The following ETS1 variants were observed in gnomAD, a reference collection of about 807,000 sequenced individuals.
ETS1 encodes ETS proto-oncogene 1, transcription factor, also known as protein C-ets-1.
A neutral mutation model predicts 58.6 loss-of-function variants in ETS1; 15 were observed. The ratio of observed to expected loss-of-function variants is 0.26; its 90% CI spans 0.17 to 0.39. The LOEUF (loss-of-function observed/expected upper bound fraction) is 0.39, where lower values mean the gene tolerates loss of function less well. ETS1 is among the 10% of genes least tolerant of loss of function. The probability of loss-of-function intolerance (pLI) is 1.00; values close to 1 mark genes in which losing one functional copy is unlikely to be tolerated. For synonymous variants in ETS1, 214 were observed against 218.2 expected, an observed-to-expected ratio of 0.98 and a Z score of 0.17; for missense variants, 417 against 610.5, an observed-to-expected ratio of 0.68 and a Z score of 3.34.
intron 3 of ETS1, among the ~76,000 whole-genome samples, chr11:128,520,359 G>T (rs1863633457): frequency 6.6e-6 from 1 of 152,124 alleles, no homozygotes; most frequent in African/African-American, 2.4e-5. Context: ...ATATCGACAC[G>T]ATATTTCCCA....
At chr11:128,543,954 C>T (rs1864093422) in intron 3 of ETS1, among the ~76,000 whole-genome samples, 1 of 152,092 alleles carries the variant, frequency 6.6e-6, no homozygotes, top group South Asian at 2.1e-4. Context: ...TCCCTGATGA[C>T]ATTTTAGGAA....
At chr11:128,575,571 C>T (rs912844188) in intron 1 of ETS1, among the ~76,000 whole-genome samples, 3 of 152,204 alleles carry the variant, frequency 2.0e-5, no homozygotes, top group South Asian at 2.1e-4. Flanking sequence ...CCTGACCTCA[C>T]GGCCCTTAGA....
intron 2 of ETS1, among the ~76,000 whole-genome samples, chr11:128,558,110 T>C (rs4436558): frequency 0.9 from 137,182 of 152,276 alleles, 61,959 homozygotes; most frequent in East Asian, 1. Flanking sequence ...TAGAGCTGGA[T>C]GAAGTTTACT....
chr11:128,522,126 C>T (rs1483151980), intron 3 of ETS1: 1 of 1,324,296 alleles, frequency 7.6e-7, no homozygotes, highest in Non-Finnish European at 9.7e-7. Flanking sequence ...ATCTCAAATT[C>T]CCGCTGCCTT....
At chr11:128,545,986 C>A (rs1864127200) in intron 3 of ETS1, among the ~76,000 whole-genome samples, 1 of 152,244 alleles carries the variant, frequency 6.6e-6, no homozygotes, top group Admixed American at 6.5e-5. Flanking sequence ...TCTCCAGGAA[C>A]AGCCCACAGG....
At chr11:128,583,328 G>C (rs1056715025) in intron 1 of ETS1, among the ~76,000 whole-genome samples, 4 of 152,166 alleles carry the variant, frequency 2.6e-5, no homozygotes, top group African/African-American at 4.8e-5. Flanking sequence ...AGTAGCTCAG[G>C]ACCTGTCAGT....
intron 3 of ETS1, among the ~76,000 whole-genome samples, chr11:128,509,595 C>T (rs940844829): frequency 2.9e-5 from 4 of 139,368 alleles, no homozygotes; most frequent in African/African-American, 1.1e-4. Context: ...ACTACTAACA[C>T]ATCCCAATGG....
intron 1 of ETS1, among the ~76,000 whole-genome samples, chr11:128,579,390 G>A (rs186423938): frequency 2.0e-5 from 3 of 152,210 alleles, no homozygotes; most frequent in East Asian, 1.9e-4. Context: ...GGCTGGGCTC[G>A]GTGGCTCACG....
In ETS1 at chr11:128,549,620, A is replaced by G. The variant is rs1335960344; in HGVS notation, c.214+6671T>C. ...TGCGAGTTCGAGGGCGGGCCGGCGG[A>G]AGGCTTGCCTTTCCACTGTCACTCC... On this transcript the variant is annotated intron_variant, in intron 3 of 9. Transcript: ENST00000392668. The surrounding 1 kb of genome is among the most constrained non-coding windows in gnomAD (Gnocchi z 4.3). Among the ~76,000 whole-genome samples, 2 of 152,172 alleles carry G rather than the reference A, an allele frequency of 1.3e-5. No homozygotes were observed. Among genetic ancestry groups the G allele is most frequent in the Non-Finnish European group, 2.9e-5 (2 of 68,018 alleles).
At chr11:128,516,703 T>C (rs769627941) in intron 3 of ETS1, among the ~76,000 whole-genome samples, 4 of 152,024 alleles carry the variant, frequency 2.6e-5, no homozygotes, top group Admixed American at 6.6e-5. Context: ...CCCTGACACA[T>C]GGAATGGACT....
chr11:128,504,800 G>A (rs1262508654), intron 3 of ETS1, among the ~76,000 whole-genome samples: 6 of 152,000 alleles, frequency 3.9e-5, no homozygotes, highest in African/African-American at 1.5e-4. Context: ...CATCATTCTG[G>A]ATAAACACTA....
chr11:128,501,675 G>A (rs138875673), intron 3 of ETS1, among the ~76,000 whole-genome samples: 1 of 152,266 alleles, frequency 6.6e-6, no homozygotes, highest in African/African-American at 2.4e-5. Flanking sequence ...TAACATCAGA[G>A]ACCATGCATT....
intron 1 of ETS1, among the ~76,000 whole-genome samples, chr11:128,574,651 C>T (rs1343560583): frequency 2.0e-5 from 3 of 152,160 alleles, no homozygotes; most frequent in Non-Finnish European, 2.9e-5. Flanking sequence ...ATGCATGTCA[C>T]GTGGTTTAGA....
At chr11:128,523,968 A>G (rs1863752208) in intron 3 of ETS1, among the ~76,000 whole-genome samples, 2 of 152,138 alleles carry the variant, frequency 1.3e-5, no homozygotes, top group East Asian at 1.9e-4. Context: ...CTATGAATTC[A>G]TCAGGAGAAG....
At chr11:128,569,226 T>G (rs1864570322) in intron 2 of ETS1, among the ~76,000 whole-genome samples, 1 of 151,484 alleles carries the variant, frequency 6.6e-6, no homozygotes, top group Non-Finnish European at 1.5e-5. Flanking sequence ...AAATATCCCT[T>G]TGGGGGACAA....
At chr11:128,567,365 C>T (rs1274523260) in intron 2 of ETS1, among the ~76,000 whole-genome samples, 4 of 152,214 alleles carry the variant, frequency 2.6e-5, no homozygotes, top group Non-Finnish European at 5.9e-5. Flanking sequence ...GCTCGTACGT[C>T]TGCAATACCC....
intron 3 of ETS1, among the ~76,000 whole-genome samples, chr11:128,512,955 G>A (rs1329345586): frequency 6.6e-6 from 1 of 152,252 alleles, no homozygotes; most frequent in African/African-American, 2.4e-5. Flanking sequence ...CTCCAGGTGA[G>A]AACCTGCACT....
chr11:128,566,506 G>A (rs1006893593), intron 2 of ETS1, among the ~76,000 whole-genome samples: 5 of 152,060 alleles, frequency 3.3e-5, no homozygotes, highest in African/African-American at 4.8e-5. Flanking sequence ...AGACAGGGCC[G>A]GGCGCAGTGG....
At chr11:128,544,340 A>ATATATATATATATAT (rs71472068) in intron 3 of ETS1, among the ~76,000 whole-genome samples, 3 of 117,088 alleles carry the variant, frequency 2.6e-5, no homozygotes, top group African/African-American at 9.7e-5. Context: ...ATTGTTTACT[A>ATATATATATATATAT]ATATATATAT....
Sources: allele counts gnomAD v4.1 joint callset (sites outside exome capture counted in the v4.1 genomes callset), GRCh38; gene constraint gnomAD v4.1.1; non-coding constraint Gnocchi (gnomAD v3.1); transcripts MANE v1.5; gene names NCBI Gene and HGNC (gene_info 2026-07-23, HGNC 2026-07-21).